The following ZFHX3 variants were observed in gnomAD, a reference collection of about 807,000 sequenced individuals.
The protein encoded by ZFHX3 is zinc finger homeobox 3.
ZFHX3 carries 42 observed loss-of-function variants against 279.1 expected under a neutral mutation model. The observed-to-expected ratio is 0.15, with a 90% CI of 0.12 to 0.19. The LOEUF (loss-of-function observed/expected upper bound fraction) is 0.19. ZFHX3 is among the 10% of genes least tolerant of loss of function. The pLI is 1.00. For synonymous variants in ZFHX3, 2,293 were observed against 1,957.8 expected, an observed-to-expected ratio of 1.17 and a Z score of -4.52; for missense variants, 4,981 against 4,754.0, an observed-to-expected ratio of 1.05 and a Z score of -1.40.
intron 5 of ZFHX3, among the ~76,000 whole-genome samples, chr16:73,235,343 A>G (rs2012909731): frequency 2.0e-5 from 3 of 152,228 alleles, no homozygotes; most frequent in South Asian, 4.1e-4. Context: ...TGCTGGGACT[A>G]CAGGCACTTT....
At chr16:73,460,952 C>T (rs902802523) in intron 2 of ZFHX3, among the ~76,000 whole-genome samples, 3 of 152,208 alleles carry the variant, frequency 2.0e-5, no homozygotes, top group Admixed American at 2.0e-4. Context: ...GCTTCCTGTA[C>T]AGGCTGCAGA....
At chr16:73,604,101 G>C (rs1269755813) in intron 2 of ZFHX3, among the ~76,000 whole-genome samples, 4 of 151,918 alleles carry the variant, frequency 2.6e-5, no homozygotes, top group African/African-American at 4.8e-5. Flanking sequence ...TTAAAATAAA[G>C]AGTAGACTAG....
intron 5 of ZFHX3, among the ~76,000 whole-genome samples, chr16:73,145,895 T>C (rs1374293250): frequency 6.6e-6 from 1 of 152,222 alleles, no homozygotes; most frequent in East Asian, 1.9e-4. Context: ...GCAATCAATG[T>C]GTTCTGGAAG....
chr16:73,853,091 A>C (rs1008389183), intron 1 of ZFHX3, among the ~76,000 whole-genome samples: 3 of 152,200 alleles, frequency 2.0e-5, no homozygotes, highest in African/African-American at 7.2e-5. Flanking sequence ...AATGTCACTA[A>C]TCATCAGATA....
intron 5 of ZFHX3, chr16:73,233,001 G>A (rs998708375): frequency 6.6e-6 from 1 of 151,088 alleles, no homozygotes; most frequent in African/African-American, 2.4e-5. Context: ...GGGGTGGGGG[G>A]TAGTGGTGGT....
intron 1 of ZFHX3, among the ~76,000 whole-genome samples, chr16:73,010,043 A>AAAAAAAAAAAAC (rs1963858694): frequency 6.7e-6 from 1 of 149,374 alleles, no homozygotes; most frequent in African/African-American, 2.5e-5. Context: ...AAAAAAAAAA[A>AAAAAAAAAAAAC]CTCATAAAGG....
intron 2 of ZFHX3, among the ~76,000 whole-genome samples, chr16:73,460,888 G>T (rs929131651): frequency 5.9e-5 from 9 of 152,124 alleles, no homozygotes; most frequent in African/African-American, 2.2e-4. Context: ...GCCTTCCAAC[G>T]TGATTGTAAG....
intron 3 of ZFHX3, 139 bp downstream of exon 3, chr16:72,950,330 T>A (rs1040662231): frequency 7.4e-7 from 1 of 1,345,996 alleles, no homozygotes; most frequent in Admixed American, 2.4e-5. Flanking sequence ...GACTCTCCTC[T>A]CAACTCCAGG....
intron 1 of ZFHX3, among the ~76,000 whole-genome samples, chr16:73,688,643 T>C (rs1422836823): frequency 2.0e-5 from 3 of 152,064 alleles, no homozygotes; most frequent in South Asian, 2.1e-4. Flanking sequence ...ACATTTCTGT[T>C]GATTAGAAGT....
intron 2 of ZFHX3, among the ~76,000 whole-genome samples, chr16:73,489,168 C>T (rs1393585491): frequency 6.6e-6 from 1 of 152,084 alleles, no homozygotes; most frequent in Non-Finnish European, 1.5e-5. Flanking sequence ...GGGAAAATGC[C>T]CTCTTGATCC....
At chr16:72,955,786 A>AAC (rs1216924450) in intron 2 of ZFHX3, among the ~76,000 whole-genome samples, 1 of 151,542 alleles carries the variant, frequency 6.6e-6, no homozygotes, top group Non-Finnish European at 1.5e-5. Flanking sequence ...CAAAAAAAAA[A>AAC]AAAAAAAAAC....
At chr16:73,819,170 C>T (rs1177961514) in intron 1 of ZFHX3, among the ~76,000 whole-genome samples, 1 of 151,852 alleles carries the variant, frequency 6.6e-6, no homozygotes, top group African/African-American at 2.4e-5. Flanking sequence ...ATAGTGTAGC[C>T]TGGGAAAGTA....
chr16:73,854,259 C>T (rs553883687), intron 1 of ZFHX3, among the ~76,000 whole-genome samples: 3 of 152,268 alleles, frequency 2.0e-5, no homozygotes, highest in South Asian at 4.1e-4. Context: ...GGCACAGTGG[C>T]TCATGCCTGT....
intron 4 of ZFHX3, among the ~76,000 whole-genome samples, chr16:73,301,126 G>A (rs774746814): frequency 2.6e-5 from 4 of 152,200 alleles, no homozygotes; most frequent in Non-Finnish European, 5.9e-5. Context: ...GTGTATCAGA[G>A]TCCTTTGGAT....
rs145169075 is a variant in ZFHX3 at position 72,802,371 on chromosome 16, C to T, written c.3865-2242G>A. Among the ~76,000 whole-genome samples, 834 of 152,228 alleles carry T rather than the reference C, an allele frequency of 5.5e-3. 8 individuals carry two copies. The highest frequency in any genetic ancestry group is 5.9e-3 in the Non-Finnish European group (403 of 68,012). On this transcript the variant is annotated intron_variant, in intron 7 of 9. Transcript: ENST00000268489. The stretch of plus-strand genomic sequence containing the variant: ...TGGGATTCAAGAAGGCAGTAAGCAG[C>T]GGTTCTTTGTCTGCCTTCACCTTCC...
At chr16:72,995,642 T>C (rs367583923) in intron 1 of ZFHX3, among the ~76,000 whole-genome samples, 1 of 152,108 alleles carries the variant, frequency 6.6e-6, no homozygotes, top group Non-Finnish European at 1.5e-5. Context: ...GCTTAAGCCA[T>C]GGATGTGGCA....
chr16:72,920,958 G>A (rs974752697), intron 3 of ZFHX3, among the ~76,000 whole-genome samples: 12 of 148,832 alleles, frequency 8.1e-5, no homozygotes, highest in Non-Finnish European at 1.5e-4. Context: ...TGTATTCCTA[G>A]CCACTTGAGG....
At chr16:73,234,569 G>C (rs185464475) in intron 5 of ZFHX3, among the ~76,000 whole-genome samples, 253 of 152,292 alleles carry the variant, frequency 1.7e-3, no homozygotes, top group South Asian at 5.2e-3. Context: ...TTCTGCTCTG[G>C]GGTTGGAGAA....
intron 1 of ZFHX3, among the ~76,000 whole-genome samples, chr16:72,969,969 C>T (rs765499761): frequency 6.6e-6 from 1 of 152,206 alleles, no homozygotes; most frequent in Non-Finnish European, 1.5e-5. Context: ...CCCAGAAGGC[C>T]CAGAGAATCG....
Sources: allele counts gnomAD v4.1 joint callset (sites outside exome capture counted in the v4.1 genomes callset), GRCh38; gene constraint gnomAD v4.1.1; transcripts MANE v1.5; gene names NCBI Gene and HGNC (gene_info 2026-07-23, HGNC 2026-07-21).